C1orf185: variants seen among roughly 807,000 people sequenced by gnomAD.
C1orf185 encodes uncharacterized protein C1orf185.
Under a neutral mutation model 16.1 loss-of-function variants are expected in C1orf185, and 13 were observed. The ratio of observed to expected loss-of-function variants is 0.81; its 90% confidence interval spans 0.53 to 1.28. C1orf185 has a LOEUF of 1.28. Ranked by LOEUF, C1orf185 falls within the 50% of genes most tolerant of loss-of-function variation. C1orf185 has a pLI of 0.00. For missense variants in C1orf185, 220 were observed against 225.2 expected, an observed-to-expected ratio of 0.98 and a Z score of 0.15; for synonymous variants, 80 against 76.9, an observed-to-expected ratio of 1.04 and a Z score of -0.21.
At chr1:51,149,706 A>G (rs1570327852), downstream of C1orf185, among the ~76,000 whole-genome samples, 2 of 152,058 alleles carry the variant, frequency 1.3e-5, 1 homozygote, top group East Asian at 3.9e-4. Flanking sequence ...CATTCCTACC[A>G]TGTGGCTTAG....
In C1orf185 at chr1:51,136,041, T is replaced by C. The variant is rs547644788; in HGVS notation, c.259-9683T>C. On this transcript the variant is annotated intron_variant, in intron 3 of 4. Transcript: ENST00000371759. ...GTCAAGTTGAGAACCAAATCATGAA[T>C]GCAATCCCATTCACAATTGCCACAA... Among the ~76,000 whole-genome samples, 4 of 152,308 alleles carry C rather than the reference T, an allele frequency of 2.6e-5. No individual in the cohort carries two copies. In the South Asian group the frequency reaches 8.3e-4, roughly 32 times the overall value.
chr1:51,141,485 C>A (rs972785465), intron 3 of C1orf185, among the ~76,000 whole-genome samples: 1 of 151,928 alleles, frequency 6.6e-6, no homozygotes, highest in Admixed American at 6.6e-5. Context: ...AGGGTGAAAC[C>A]CCATCTTAAA....
intron 3 of C1orf185, among the ~76,000 whole-genome samples, chr1:51,126,026 C>A (rs1646237523): frequency 6.6e-6 from 1 of 152,114 alleles, no homozygotes; most frequent in Non-Finnish European, 1.5e-5. Context: ...AACCCCCTCA[C>A]TTCTTAATTG....
intron 2 of C1orf185, among the ~76,000 whole-genome samples, chr1:51,115,513 C>A (rs1328099000): frequency 2.6e-5 from 4 of 151,912 alleles, no homozygotes; most frequent in Non-Finnish European, 5.9e-5. Flanking sequence ...CATAAATATT[C>A]TTGTATAAAT....
intron 2 of C1orf185, among the ~76,000 whole-genome samples, chr1:51,116,277 A>T (rs1217170158): frequency 6.7e-6 from 1 of 149,064 alleles, no homozygotes; most frequent in Admixed American, 6.7e-5. Context: ...CTTCTACCAG[A>T]TGTTCTCCAA....
rs1460581379 is a variant in C1orf185, at chr1:51,115,938, G to C, written c.123-2728G>C. On this transcript the variant is annotated intron_variant, in intron 2 of 4. Coordinates refer to ENST00000371759, the MANE Select transcript of C1orf185 (RefSeq NM_001136508.2). ...AGTTAATGCTGATGCATAACTTTTT[G>C]CCGTAAGCAGATACGTAGTTTATAC... is the stretch of plus-strand genomic sequence containing the variant. Among the ~76,000 whole-genome samples the C allele has an allele frequency of 5.9e-5, 9 of 152,102 alleles. No homozygotes were observed. The East Asian group carries it at 1.7e-3, about 29-fold the overall frequency.
intron 2 of C1orf185, among the ~76,000 whole-genome samples, chr1:51,116,843 C>T (rs1307879622): frequency 6.6e-6 from 1 of 152,060 alleles, no homozygotes; most frequent in Non-Finnish European, 1.5e-5. Context: ...TTTCACATGT[C>T]CCCTCTTCCA....
At chr1:51,136,128 C>T (rs1442350361) in intron 3 of C1orf185, among the ~76,000 whole-genome samples, 1 of 152,068 alleles carries the variant, frequency 6.6e-6, no homozygotes, top group Admixed American at 6.6e-5. Flanking sequence ...ATAAGAAGAA[C>T]TACAAAACAC....
chr1:51,132,874 C>T (rs1646295682), intron 3 of C1orf185, among the ~76,000 whole-genome samples: 1 of 152,116 alleles, frequency 6.6e-6, no homozygotes, highest in African/African-American at 2.4e-5. Flanking sequence ...CAAAAGAAAC[C>T]CTACAAGCCA....
rs139138703 is a variant in C1orf185, at chr1:51,126,412, C to T, written c.258+7611C>T. ...CTGAGTAGCTGGAACTACAGGTACA[C>T]ACCACCATGTCCACTTTAAAAAAAA... is the stretch of plus-strand genomic sequence containing the variant. On this transcript the variant is annotated intron_variant, in intron 3 of 4. Transcript: ENST00000371759. Among the ~76,000 whole-genome samples the T allele has an allele frequency of 5.3e-3, 812 of 152,078 alleles. 5 individuals carry two copies. The highest frequency in any genetic ancestry group is 0.018 in the African/African-American group (750 of 41,474).
At chr1:51,125,979 G>A (rs1242498627) in intron 3 of C1orf185, among the ~76,000 whole-genome samples, 2 of 152,212 alleles carry the variant, frequency 1.3e-5, no homozygotes, top group South Asian at 4.1e-4. Context: ...GCAGCATAGC[G>A]AGACCCCAGC....
intron 3 of C1orf185, among the ~76,000 whole-genome samples, chr1:51,124,024 T>C (rs1646218569): frequency 6.6e-6 from 1 of 151,482 alleles, no homozygotes; most frequent in Non-Finnish European, 1.5e-5. Context: ...GATATGTACT[T>C]TGCAAATATT....
intron 4 of C1orf185, among the ~76,000 whole-genome samples, chr1:51,146,390 C>T (rs1402014623): frequency 2.7e-5 from 4 of 147,528 alleles, no homozygotes; most frequent in African/African-American, 7.5e-5. Context: ...ACCCAGGAGG[C>T]GGAGGTTGCA....
chr1:51,115,966 T>C (rs1311464733), intron 2 of C1orf185, among the ~76,000 whole-genome samples: 3 of 152,178 alleles, frequency 2.0e-5, no homozygotes, highest in Non-Finnish European at 4.4e-5. Flanking sequence ...GTTTATACTT[T>C]ACTCAGCTCA....
chr1:51,134,142 C>T (rs188256535), intron 3 of C1orf185, among the ~76,000 whole-genome samples: 3 of 152,186 alleles, frequency 2.0e-5, no homozygotes, highest in Admixed American at 6.5e-5. Flanking sequence ...CAATCTATCT[C>T]TCAGACCAAA....
intron 1 of C1orf185, among the ~76,000 whole-genome samples, chr1:51,110,422 T>C (rs1646107621): frequency 6.6e-6 from 1 of 152,224 alleles, no homozygotes; most frequent in Non-Finnish European, 1.5e-5. Flanking sequence ...GTACCACTAA[T>C]TAATTCCTGA....
At chr1:51,109,155 G>A (rs966574846) in intron 1 of C1orf185, among the ~76,000 whole-genome samples, 10 of 151,972 alleles carry the variant, frequency 6.6e-5, no homozygotes, top group East Asian at 1.9e-4. Flanking sequence ...GTTTTGATTC[G>A]CGTTTCCCTG....
chr1:51,140,126 G>T (rs567969933), intron 3 of C1orf185, among the ~76,000 whole-genome samples: 7 of 152,216 alleles, frequency 4.6e-5, no homozygotes, highest in African/African-American at 1.7e-4. Flanking sequence ...CTACATACAG[G>T]TACCATACAG....
intron 3 of C1orf185, among the ~76,000 whole-genome samples, chr1:51,140,652 T>C (rs1385030128): frequency 6.6e-6 from 1 of 152,210 alleles, no homozygotes; most frequent in Non-Finnish European, 1.5e-5. Flanking sequence ...GCAAATTCTT[T>C]GGTAGACATA....
Sources: allele counts gnomAD v4.1 joint callset (sites outside exome capture counted in the v4.1 genomes callset), GRCh38; gene constraint gnomAD v4.1.1; transcripts MANE v1.5; gene names NCBI Gene and HGNC (gene_info 2026-07-23, HGNC 2026-07-21).